The following RAMP1 variants were observed in gnomAD, a reference collection of about 807,000 sequenced individuals.
The protein encoded by RAMP1 is receptor activity modifying protein 1.
In RAMP1, 7 loss-of-function variants were observed where a neutral mutation model predicts 8.2. The ratio of observed to expected loss-of-function variants is 0.85; its 90% CI spans 0.49 to 1.60. The LOEUF (loss-of-function observed/expected upper bound fraction) is 1.60. Among genes scored for constraint, RAMP1 ranks in the 40% most tolerant of loss-of-function variants. RAMP1 has a pLI of 0.00. For synonymous variants in RAMP1, 92 were observed against 84.7 expected (o/e 1.09, Z -0.47); for missense variants, 192 against 202.4 (o/e 0.95, Z 0.31).
Position 237,862,895 on chromosome 2 carries a change from G to A in RAMP1, c.52+3168G>A, listed in dbSNP as rs189738202. On this transcript the variant is annotated intron_variant, in intron 1 of 2. Transcript: ENST00000254661. This position sits in a 1 kb window ranked among gnomAD's most constrained non-coding sequence, Gnocchi z 4.0. Reference sequence around the variant, plus strand: ...TCTTTCCTCCAGGCTGGATCTGAGTGGGGCTGCCACAGTCTACCCTGTGAG... The same window carrying A: ...TCTTTCCTCCAGGCTGGATCTGAGTAGGGCTGCCACAGTCTACCCTGTGAG... Among the ~76,000 whole-genome samples the A allele has an allele frequency of 1.6e-4, 24 of 152,308 alleles. No individual in the cohort carries two copies. The highest frequency in any genetic ancestry group is 5.8e-4 in the African/African-American group (24 of 41,570).
intron 2 of RAMP1, among the ~76,000 whole-genome samples, chr2:237,893,932 C>T (rs956770676): frequency 2.0e-5 from 3 of 147,212 alleles, no homozygotes; most frequent in Non-Finnish European, 3.0e-5. Context: ...AAGCACAAAA[C>T]TTTGTCTCAA....
rs3769038 is a variant in RAMP1, at chr2:237,865,895, C to G, written c.52+6168C>G. Among the ~76,000 whole-genome samples the G allele has an allele frequency of 1.3e-5, 2 of 151,892 alleles. No individual in the cohort carries two copies. The highest frequency in any genetic ancestry group is 4.8e-5 in the African/African-American group (2 of 41,380). On this transcript the variant is annotated intron_variant, in intron 1 of 2. Transcript: ENST00000254661. The surrounding 1 kb of genome is among the most constrained non-coding windows in gnomAD (Gnocchi z 4.2). ...GGGTCCTTTGCAGGAGAGGCAGCGG[C>G]GAAAGCTGCCCTTAGGAGGCAGCGA...
intron 2 of RAMP1, among the ~76,000 whole-genome samples, chr2:237,884,561 G>A (rs1272536372): frequency 6.6e-6 from 1 of 152,110 alleles, no homozygotes; most frequent in Non-Finnish European, 1.5e-5. Context: ...AAGAGGGAAG[G>A]GGACACGCCT....
At chr2:237,908,733 A>T (rs1452875680) in intron 2 of RAMP1, among the ~76,000 whole-genome samples, 1 of 152,162 alleles carries the variant, frequency 6.6e-6, no homozygotes, top group African/African-American at 2.4e-5. Flanking sequence ...CACCACACCC[A>T]GCCAAGGCCT....
At chr2:237,896,845 C>G (rs1187347622) in intron 2 of RAMP1, among the ~76,000 whole-genome samples, 1 of 152,134 alleles carries the variant, frequency 6.6e-6, no homozygotes. Context: ...GGGGGAGTCT[C>G]TCTGTGTTGC....
chr2:237,888,564 A>C (rs2062458593), intron 2 of RAMP1, among the ~76,000 whole-genome samples: 2 of 152,166 alleles, frequency 1.3e-5, no homozygotes, highest in Admixed American at 1.3e-4. Flanking sequence ...CTGGTCTCTG[A>C]CAGTTATTTG....
intron 2 of RAMP1, among the ~76,000 whole-genome samples, chr2:237,891,220 G>T (rs1175062849): frequency 1.3e-5 from 2 of 150,834 alleles, no homozygotes; most frequent in African/African-American, 2.4e-5. Context: ...GCATGGTCTC[G>T]GCTCACTGCA....
At chr2:237,887,480 T>C (rs2062445890) in intron 2 of RAMP1, among the ~76,000 whole-genome samples, 1 of 152,216 alleles carries the variant, frequency 6.6e-6, no homozygotes, top group South Asian at 2.1e-4. Flanking sequence ...TTGTTTCAGC[T>C]TCTTGTCTCA....
Position 237,891,305 on chromosome 2 carries a change from C to T in RAMP1, c.191+13943C>T, listed in dbSNP as rs554182280. 1.5e-4 allele frequency among the ~76,000 whole-genome samples: 23 copies of T among 152,232 alleles called. No individual in the cohort carries two copies. In the East Asian group the frequency reaches 4.1e-3, roughly 27 times the overall value. ...AGCTGGGACTACAGGCGCCCGCCACCACGCCCGGCTGATTTTTTGTATTTT... is the reference window on the plus strand; with the variant it reads ...AGCTGGGACTACAGGCGCCCGCCACTACGCCCGGCTGATTTTTTGTATTTT... On this transcript the variant is annotated intron_variant, in intron 2 of 2. Transcript: ENST00000254661.
At chr2:237,907,384 T>C (rs913421730) in intron 2 of RAMP1, among the ~76,000 whole-genome samples, 1 of 152,184 alleles carries the variant, frequency 6.6e-6, no homozygotes, top group African/African-American at 2.4e-5. Context: ...AGCCATTATC[T>C]CTTCAAATAT....
Position 237,877,311 on chromosome 2 carries a change from A to G in RAMP1, c.140A>G (p.Asp47Gly). ...CTCTGCCTCACCCAGTTCCAGGTAG[A>G]CATGGAGGCCGTCGGGGAGACGCTG... is the stretch of plus-strand genomic sequence containing the variant. ...RELCLTQFQVDMEAVGETLWC... is the reference protein window; with the variant it reads ...RELCLTQFQVGMEAVGETLWC... Residue 47 changes from aspartate (D) to glycine (G), a missense_variant, in exon 2 of 3, where the codon GAC (aspartate) becomes GGC (glycine). By Grantham distance (94) the Asp-to-Gly change is moderately conservative. Transcript: ENST00000254661. The surrounding 1 kb of genome is among the most constrained non-coding windows in gnomAD (Gnocchi z 4.4). 2.5e-6 allele frequency: 4 copies of G among 1,614,034 alleles called. No individual in the cohort carries two copies. Among genetic ancestry groups the G allele is most frequent in the Non-Finnish European group, 3.4e-6 (4 of 1,180,014 alleles).
At chr2:237,861,112 CAAAT>C (rs1335314298) in intron 1 of RAMP1, among the ~76,000 whole-genome samples, 1 of 152,014 alleles carries the variant, frequency 6.6e-6, no homozygotes, top group Non-Finnish European at 1.5e-5. Flanking sequence ...CATAAATAAC[CAAAT>C]AAATAAACGT....
intron 2 of RAMP1, among the ~76,000 whole-genome samples, chr2:237,879,269 G>A (rs1052636414): frequency 2.0e-5 from 3 of 151,694 alleles, no homozygotes; most frequent in Admixed American, 6.6e-5. Flanking sequence ...TGAACGGGAG[G>A]CCTGGCAGAA....
chr2:237,877,175 T>C lies in RAMP1; in HGVS notation c.53-49T>C. 2 of 1,610,964 alleles carry C rather than the reference T, an allele frequency of 1.2e-6. No homozygotes were observed. The highest frequency in any genetic ancestry group is 2.2e-5 in the South Asian group (2 of 91,034). On this transcript the variant is annotated intron_variant, in intron 1 of 2. Coordinates refer to ENST00000254661, the MANE Select transcript of RAMP1 (RefSeq NM_005855.4). The surrounding 1 kb of genome is among the most constrained non-coding windows in gnomAD (Gnocchi z 4.4). ...GCGCGCGGGCTGGCGGTGATACCCC[T>C]AGGCCTCTGCTGCCGCCCGCCATCT...
intron 2 of RAMP1, among the ~76,000 whole-genome samples, chr2:237,903,985 G>A (rs1029362623): frequency 7.9e-5 from 12 of 152,042 alleles, no homozygotes; most frequent in East Asian, 3.9e-4. Flanking sequence ...GCAATCCTCC[G>A]GCCTAGGCCT....
Position 237,912,002 on chromosome 2 carries a change from G to C in RAMP1, c.*219G>C, listed in dbSNP as rs2062721391. 2.7e-6 allele frequency: 2 copies of C among 734,412 alleles called. No homozygotes were observed. Among genetic ancestry groups the C allele is most frequent in the East Asian group, 5.5e-5 (2 of 36,406 alleles). 45.5% of individuals were successfully genotyped at this position (734,412 alleles called of 1,614,324 possible). On this transcript the variant is annotated 3_prime_UTR_variant, in exon 3 of 3. Transcript: ENST00000254661. Reference sequence around the variant, plus strand: ...CACCGCCACCCTAGGAAGGGGGCAGGGACGTGACCTTGACTTACCTCTGGA... The same window carrying C: ...CACCGCCACCCTAGGAAGGGGGCAGCGACGTGACCTTGACTTACCTCTGGA...
chr2:237,895,278 C>T (rs577828230), intron 2 of RAMP1, among the ~76,000 whole-genome samples: 2 of 152,258 alleles, frequency 1.3e-5, no homozygotes, highest in African/African-American at 4.8e-5. Flanking sequence ...CAAAGGGGTC[C>T]TGTGGGGGGG....
Position 237,890,016 on chromosome 2 carries a change from G to A in RAMP1, c.191+12654G>A, listed in dbSNP as rs148976785. 8.0e-3 allele frequency among the ~76,000 whole-genome samples: 1,213 copies of A among 152,278 alleles called. 11 individuals are homozygous for A. Among genetic ancestry groups the A allele is most frequent in the Middle Eastern group, 0.017 (5 of 294 alleles). On this transcript the variant is annotated intron_variant, in intron 2 of 2. Transcript: ENST00000254661. Reference sequence around the variant, plus strand: ...GGGGCCCGCCTGCAGAAACCCCGCCGGCTGCGTCCCTCCTTCAGCGCTGTG... The same window carrying A: ...GGGGCCCGCCTGCAGAAACCCCGCCAGCTGCGTCCCTCCTTCAGCGCTGTG...
intron 1 of RAMP1, among the ~76,000 whole-genome samples, chr2:237,863,184 G>C (rs1177389878): frequency 2.0e-5 from 3 of 152,112 alleles, no homozygotes; most frequent in African/African-American, 7.2e-5. Context: ...GAAGACAGTG[G>C]GAGCTGGGAA....
Sources: allele counts gnomAD v4.1 joint callset (sites outside exome capture counted in the v4.1 genomes callset), GRCh38; gene constraint gnomAD v4.1.1; non-coding constraint Gnocchi (gnomAD v3.1); transcripts MANE v1.5; gene names NCBI Gene and HGNC (gene_info 2026-07-23, HGNC 2026-07-21).